The following SRGAP3 variants were observed in gnomAD, a reference collection of about 807,000 sequenced individuals.
SRGAP3 encodes SLIT-ROBO Rho GTPase-activating protein 3.
In SRGAP3, 39 loss-of-function variants were observed where a neutral mutation model predicts 121.1. The observed-to-expected ratio is 0.32, with a 90% confidence interval of 0.25 to 0.42. The LOEUF (loss-of-function observed/expected upper bound fraction) is 0.42, where lower values mean the gene tolerates loss of function less well. SRGAP3 is among the 10% of genes least tolerant of loss of function. The pLI, the probability that SRGAP3 is intolerant of heterozygous loss-of-function variation, is 1.00. For synonymous variants in SRGAP3, 601 were observed against 570.0 expected, an observed-to-expected ratio of 1.05 and a Z score of -0.77; for missense variants, 1,213 against 1,470.6, an observed-to-expected ratio of 0.82 and a Z score of 2.86.
chr3:9,132,994 TATATA>T (rs1457708958), intron 1 of SRGAP3, among the ~76,000 whole-genome samples: 1 of 149,926 alleles, frequency 6.7e-6, no homozygotes, highest in Non-Finnish European at 1.5e-5. Context: ...TAATGGCATA[TATATA>T]AAACATATAT....
intron 5 of SRGAP3, among the ~76,000 whole-genome samples, chr3:9,063,385 T>A (rs1383285649): frequency 6.6e-6 from 1 of 152,126 alleles, no homozygotes; most frequent in African/African-American, 2.4e-5. Flanking sequence ...CACCTTGGCC[T>A]CCCAAAGTGT....
rs1941639501 is a variant in SRGAP3, at chr3:8,985,544, G to A, written c.3275C>T (p.Ser1092Leu). The change falls in exon 22 of 22, where the codon TCA becomes TTA. Residue 1092 changes from serine to leucine, a missense_variant. By Grantham distance (145) the Ser-to-Leu change is moderately radical. Transcript: ENST00000383836. This position sits in a 1 kb window ranked among gnomAD's most constrained non-coding sequence, Gnocchi z 5.1. ...TPTEKMFPNS[S>L]ADKSGTM is the part of the protein sequence containing the mutation. ...TCACATGGTGCCCGACTTGTCCGCT[G>A]AGCTGTTGGGGAACATCTTCTCGGT... 1 of 1,598,996 alleles carries A rather than the reference G, an allele frequency of 6.3e-7. No homozygotes were observed. The highest frequency in any genetic ancestry group is 8.5e-7 in the Non-Finnish European group (1 of 1,179,470).
intron 3 of SRGAP3, among the ~76,000 whole-genome samples, chr3:9,269,642 G>C (rs777030497): frequency 1.2e-4 from 18 of 152,204 alleles, no homozygotes; most frequent in Admixed American, 3.3e-4. Context: ...ATGCTGTGTG[G>C]GGATGAGAGG....
chr3:9,176,958 T>C (rs1049383520), intron 1 of SRGAP3, among the ~76,000 whole-genome samples: 1 of 152,182 alleles, frequency 6.6e-6, no homozygotes, highest in African/African-American at 2.4e-5. Flanking sequence ...CCTAAGTCAA[T>C]AGCAGCAAGG....
intron 14 of SRGAP3, among the ~76,000 whole-genome samples, chr3:9,024,943 A>G (rs1944112446): frequency 6.6e-6 from 1 of 152,224 alleles, no homozygotes. Flanking sequence ...AGTAGTAGTC[A>G]TAGTAGTAGT....
intron 1 of SRGAP3, among the ~76,000 whole-genome samples, chr3:9,137,271 G>T (rs1446606137): frequency 6.6e-6 from 1 of 152,094 alleles, no homozygotes; most frequent in African/African-American, 2.4e-5. Flanking sequence ...GATTATTCAG[G>T]GTAGTAAAGG....
At chr3:9,206,503 T>C (rs77293584) in intron 1 of SRGAP3, among the ~76,000 whole-genome samples, 2,949 of 152,328 alleles carry the variant, frequency 0.019, 47 homozygotes, top group Non-Finnish European at 0.028. Context: ...CTGTCCTGCA[T>C]GGTTATGGCC....
chr3:9,064,634 C>T (rs557573902), intron 4 of SRGAP3, 53 bp from the exon 5 acceptor site: 5 of 1,606,756 alleles, frequency 3.1e-6, no homozygotes, highest in Non-Finnish European at 4.3e-6. Context: ...CCAGCACGGC[C>T]CTCCCTGTTA....
chr3:9,166,421 C>T (rs1316208742), intron 1 of SRGAP3, among the ~76,000 whole-genome samples: 1 of 152,232 alleles, frequency 6.6e-6, no homozygotes, highest in East Asian at 1.9e-4. Context: ...GCTGGGCTCA[C>T]CACTGCCCCC....
At chr3:9,362,585 G>C (rs970957893) in intron 1 of SRGAP3, among the ~76,000 whole-genome samples, 1 of 152,112 alleles carries the variant, frequency 6.6e-6, no homozygotes, top group African/African-American at 2.4e-5. Flanking sequence ...TTCGAGACCA[G>C]CTTAGGCAAC....
chr3:9,013,587 CT>C, intron 16 of SRGAP3, 52 bp from the exon 17 acceptor site: 1 of 1,601,438 alleles, frequency 6.2e-7, no homozygotes, highest in Non-Finnish European at 8.5e-7. Context: ...AGTCCTCCCC[CT>C]GTGTTTTTTT....
chr3:9,322,530 T>G (rs1320882611), intron 3 of SRGAP3, among the ~76,000 whole-genome samples: 1 of 151,780 alleles, frequency 6.6e-6, no homozygotes, highest in Non-Finnish European at 1.5e-5. Context: ...AAGGGAGCAT[T>G]ACCACCTGAG....
chr3:9,298,111 C>T (rs1189145930), intron 3 of SRGAP3, among the ~76,000 whole-genome samples: 1 of 152,116 alleles, frequency 6.6e-6, no homozygotes, highest in Non-Finnish European at 1.5e-5. Flanking sequence ...GTCAGTAGTA[C>T]TTACAGTTAT....
At chr3:9,257,145 A>T (rs1004364234) in intron 3 of SRGAP3, 5 of 307,490 alleles carry the variant, frequency 1.6e-5, no homozygotes, top group Non-Finnish European at 2.3e-5. Context: ...TACACCTTAT[A>T]TTTTTTTAAT....
chr3:9,183,409 C>T (rs1951490576), intron 1 of SRGAP3, among the ~76,000 whole-genome samples: 1 of 152,126 alleles, frequency 6.6e-6, no homozygotes, highest in Admixed American at 6.5e-5. Context: ...ACATGGAATA[C>T]CTGGCACTTA....
At position 9,123,243 on chromosome 3, in the gene SRGAP3, A is replaced by G. The variant is rs191482677; in HGVS notation, c.260+1482T>C. Among the ~76,000 whole-genome samples the G allele has an allele frequency of 4.6e-5, 7 of 152,284 alleles. No individual in the cohort carries two copies. In the East Asian group the frequency reaches 1.3e-3, roughly 29 times the overall value. On this transcript the variant is annotated intron_variant, in intron 2 of 21. Transcript: ENST00000383836. ...AGAATTTCAGTGGAGGAAGATGTAA[A>G]AAGCACTGGAGTTGGATGGTGGCGA...
intron 18 of SRGAP3, among the ~76,000 whole-genome samples, chr3:9,008,866 C>A (rs190382371): frequency 4.6e-5 from 7 of 152,238 alleles, no homozygotes; most frequent in Admixed American, 4.6e-4. Flanking sequence ...CACCCCAGGA[C>A]CTCTCTTGGA....
At chr3:9,038,013 C>T in intron 11 of SRGAP3, 50 bp downstream of exon 11, 2 of 1,613,766 alleles carry the variant, frequency 1.2e-6, no homozygotes, top group Non-Finnish European at 1.7e-6. Context: ...CCCCATCCCA[C>T]TCCCACCTCG....
At position 8,985,228 on chromosome 3, in the gene SRGAP3, G is replaced by GA; in HGVS notation, c.*290_*291insT. ...AGGAAGTTTCCAGTGACGATATGCG[G>GA]GAGAAGCCATGTGGTATTTTGCCTC... On this transcript the variant is annotated 3_prime_UTR_variant, in exon 22 of 22. Transcript: ENST00000383836. This position sits in a 1 kb window ranked among gnomAD's most constrained non-coding sequence, Gnocchi z 5.1. The GA allele has an allele frequency of 1.9e-5, 10 of 514,020 alleles. No homozygotes were observed. The highest frequency in any genetic ancestry group is 3.6e-5 in the Admixed American group (1 of 27,572). 31.8% of individuals were successfully genotyped at this position (514,020 alleles called of 1,614,324 possible). A position where few individuals can be genotyped will look rare whatever the true frequency, so the allele number is the denominator to read the frequency against.
Sources: gnomAD v4.1 joint callset for allele counts (sites outside exome capture counted in the v4.1 genomes callset) on GRCh38, gnomAD v4.1.1 for gene constraint, Gnocchi (gnomAD v3.1) non-coding constraint, MANE v1.5 for transcripts, NCBI Gene and HGNC (gene_info 2026-07-23, HGNC 2026-07-21) for gene names.